Variants in DLG2 observed in about 807,000 individuals in gnomAD.
The protein encoded by DLG2 is discs large MAGUK scaffold protein 2.
Under a neutral mutation model 132.5 loss-of-function variants are expected in DLG2, and 45 were observed. The observed-to-expected ratio is 0.34, with a 90% CI of 0.27 to 0.44. The LOEUF (loss-of-function observed/expected upper bound fraction) is 0.44, where lower values mean the gene tolerates loss of function less well. Among genes scored for constraint, DLG2 ranks in the 20% least tolerant of loss-of-function variants. The probability of loss-of-function intolerance (pLI) is 1.00; values close to 1 mark genes in which losing one functional copy is unlikely to be tolerated. For missense variants in DLG2, 1,045 were observed against 1,196.9 expected, an observed-to-expected ratio of 0.87 and a Z score of 1.87; for synonymous variants, 424 against 419.6, an observed-to-expected ratio of 1.01 and a Z score of -0.13.
Position 84,279,733 on chromosome 11 carries a change from T to TCA in DLG2, c.520-28444_520-28443dup, listed in dbSNP as rs575147671. Among the ~76,000 whole-genome samples the TCA allele has an allele frequency of 9.2e-5, 14 of 152,264 alleles. No homozygotes were observed. The East Asian group carries it at 2.7e-3, about 29-fold the overall frequency. On this transcript the variant is annotated intron_variant, in intron 7 of 27. Coordinates refer to ENST00000376104, the MANE Select transcript of DLG2 (RefSeq NM_001142699.3). ...AGAAAAAACCAAACACCACATGTTC[T>TCA]CACTCATAAGTAGGAGTTGAACAAT... is the stretch of plus-strand genomic sequence containing the variant.
At chr11:84,980,134 G>A (rs957452699) in intron 6 of DLG2, among the ~76,000 whole-genome samples, 1 of 152,170 alleles carries the variant, frequency 6.6e-6, no homozygotes, top group African/African-American at 2.4e-5. Flanking sequence ...ATACCATCGT[G>A]TCAAGTAGTC....
chr11:85,243,964 T>C (rs2076015643), intron 4 of DLG2, among the ~76,000 whole-genome samples: 1 of 151,988 alleles, frequency 6.6e-6, no homozygotes, highest in Admixed American at 6.6e-5. Flanking sequence ...ATAAAGTTAT[T>C]ATCATCTCCT....
chr11:84,558,184 T>C (rs1216821329), intron 6 of DLG2, among the ~76,000 whole-genome samples: 2 of 152,192 alleles, frequency 1.3e-5, no homozygotes, highest in Non-Finnish European at 2.9e-5. Context: ...ACGCTTGTGA[T>C]GAACTTGAAC....
chr11:85,259,525 C>T (rs573143772), intron 4 of DLG2, among the ~76,000 whole-genome samples: 1 of 152,068 alleles, frequency 6.6e-6, no homozygotes, highest in African/African-American at 2.4e-5. Context: ...CCAGCTGACC[C>T]TCCCAAGTAA....
chr11:84,951,131 G>C (rs11234251), intron 6 of DLG2, among the ~76,000 whole-genome samples: 57,962 of 151,930 alleles, frequency 0.38, 11,528 homozygotes, highest in East Asian at 0.64. Flanking sequence ...TATGCTGAGA[G>C]GGAATGACTG....
chr11:84,175,085 G>A (rs1317252244), intron 8 of DLG2, among the ~76,000 whole-genome samples: 1 of 152,118 alleles, frequency 6.6e-6, no homozygotes, highest in African/African-American at 2.4e-5. Context: ...ATATAAATTT[G>A]TTGAACAAAA....
intron 3 of DLG2, among the ~76,000 whole-genome samples, chr11:85,400,207 A>T (rs951092011): frequency 6.6e-6 from 1 of 152,086 alleles, no homozygotes; most frequent in African/African-American, 2.4e-5. Context: ...GCCATCAGAG[A>T]AATGCAAATC....
Position 85,542,717 on chromosome 11 carries a change from C to T in DLG2, c.40+55940G>A, listed in dbSNP as rs114792022. 5.8e-3 allele frequency among the ~76,000 whole-genome samples: 887 copies of T among 152,284 alleles called. 10 individuals carry two copies. The highest frequency in any genetic ancestry group is 0.02 in the African/African-American group (827 of 41,564). On this transcript the variant is annotated intron_variant, in intron 3 of 27. Coordinates refer to ENST00000376104, the MANE Select transcript of DLG2 (RefSeq NM_001142699.3). Reference sequence around the variant, plus strand: ...CTCTGTTCCTATGTCATAGCATAATCATTTGACATGACATTTCATAGGCAA... The same window carrying T: ...CTCTGTTCCTATGTCATAGCATAATTATTTGACATGACATTTCATAGGCAA...
chr11:84,167,023 T>A, intron 8 of DLG2: 1 of 533,214 alleles, frequency 1.9e-6, no homozygotes, highest in South Asian at 1.4e-5. Context: ...TTTCTGTTAT[T>A]CCAGTTCTGG....
At chr11:83,506,882 C>T (rs956828155) in intron 21 of DLG2, among the ~76,000 whole-genome samples, 7 of 152,152 alleles carry the variant, frequency 4.6e-5, no homozygotes, top group Admixed American at 1.3e-4. Context: ...GTCAGCCACT[C>T]GCATGATAAG....
At position 83,459,198 on chromosome 11, in the gene DLG2, A is replaced by T. The variant is rs1299700906; in HGVS notation, c.*620T>A. On this transcript the variant is annotated 3_prime_UTR_variant, in exon 28 of 28. Transcript: ENST00000376104. The stretch of plus-strand genomic sequence containing the variant: ...AATCATAAAGCTAATCCCAGGTGGA[A>T]TCCCCTCCTGTCAGTGAGGTTAGTC... 1.3e-5 allele frequency: 2 copies of T among 152,632 alleles called. No individual in the cohort carries two copies. The highest frequency in any genetic ancestry group is 4.8e-5 in the African/African-American group (2 of 41,446). The allele number at this position is 152,632 out of a possible 1,614,324, so 9.5% of individuals were successfully genotyped here. A position where few individuals can be genotyped will look rare whatever the true frequency, so the allele number is the denominator to read the frequency against.
chr11:85,348,380 G>A (rs879892140), intron 3 of DLG2, among the ~76,000 whole-genome samples: 4 of 151,626 alleles, frequency 2.6e-5, no homozygotes, highest in Non-Finnish European at 4.4e-5. Flanking sequence ...GCACCACCAA[G>A]CCCAGCTAAT....
At chr11:85,258,610 T>C (rs17208192) in intron 4 of DLG2, among the ~76,000 whole-genome samples, 6,225 of 152,296 alleles carry the variant, frequency 0.041, 165 homozygotes, top group East Asian at 0.094. Flanking sequence ...TGTAAGCATA[T>C]ACCAGGTAAC....
At chr11:84,184,354 T>G (rs1436390539) in intron 8 of DLG2, among the ~76,000 whole-genome samples, 6 of 152,092 alleles carry the variant, frequency 3.9e-5, no homozygotes, top group Admixed American at 3.9e-4. Flanking sequence ...TCATGTGTCT[T>G]TTGGCTGCAT....
intron 10 of DLG2, among the ~76,000 whole-genome samples, chr11:84,067,956 G>A (rs763142035): frequency 6.6e-6 from 1 of 152,170 alleles, no homozygotes; most frequent in Non-Finnish European, 1.5e-5. Flanking sequence ...TGTAGGAGGA[G>A]TGACAAGCTT....
At chr11:85,250,085 A>G (rs1007740110) in intron 4 of DLG2, among the ~76,000 whole-genome samples, 12 of 152,194 alleles carry the variant, frequency 7.9e-5, no homozygotes, top group African/African-American at 2.7e-4. Flanking sequence ...AGCCCAAAGG[A>G]GGGAGTGATT....
intron 3 of DLG2, among the ~76,000 whole-genome samples, chr11:85,531,002 C>T (rs1200747323): frequency 1.3e-5 from 2 of 151,842 alleles, no homozygotes; most frequent in Non-Finnish European, 2.9e-5. Context: ...CTATTTCCCT[C>T]GTAAATAAAA....
At chr11:84,790,070 A>G (rs1039633325) in intron 6 of DLG2, among the ~76,000 whole-genome samples, 7 of 152,176 alleles carry the variant, frequency 4.6e-5, no homozygotes, top group Admixed American at 4.6e-4. Context: ...TCTTTTCGAT[A>G]TTCCTGTTTC....
chr11:84,828,200 G>A (rs187961148), intron 6 of DLG2, among the ~76,000 whole-genome samples: 3 of 151,898 alleles, frequency 2.0e-5, no homozygotes, highest in African/African-American at 7.2e-5. Flanking sequence ...GTGTCATTAG[G>A]TAAAACAGAC....
Sources: gnomAD v4.1 joint callset for allele counts (sites outside exome capture counted in the v4.1 genomes callset) on GRCh38, gnomAD v4.1.1 for gene constraint, MANE v1.5 for transcripts, NCBI Gene and HGNC (gene_info 2026-07-23, HGNC 2026-07-21) for gene names.